JPH1: variants seen among roughly 807,000 people sequenced by gnomAD.
JPH1 encodes the protein junctophilin-1.
JPH1 carries 12 observed loss-of-function variants against 53.6 expected under a neutral mutation model. That is an observed-to-expected ratio of 0.22 (90% CI 0.14 to 0.36). The LOEUF is 0.36. JPH1 is among the 10% of genes least tolerant of loss of function. JPH1 has a pLI of 1.00. For synonymous variants in JPH1, 375 were observed against 363.8 expected (o/e 1.03, Z -0.35); for missense variants, 808 against 905.5 (o/e 0.89, Z 1.38).
At chr8:74,309,066 C>T (rs1255318878) in intron 2 of JPH1, among the ~76,000 whole-genome samples, 1 of 152,184 alleles carries the variant, frequency 6.6e-6, no homozygotes, top group African/African-American at 2.4e-5. Flanking sequence ...GCAGAAGAGA[C>T]TCCCTCCTAA....
intron 4 of JPH1, among the ~76,000 whole-genome samples, chr8:74,240,560 T>C (rs1409094787): frequency 6.6e-6 from 1 of 152,198 alleles, no homozygotes; most frequent in African/African-American, 2.4e-5. Flanking sequence ...TGACCAGATG[T>C]TGGAGCATTC....
intron 2 of JPH1, among the ~76,000 whole-genome samples, chr8:74,291,685 T>G (rs146982918): frequency 9.2e-5 from 14 of 152,356 alleles, no homozygotes; most frequent in Non-Finnish European, 1.9e-4. Flanking sequence ...CAAGTATGTT[T>G]ACTGTGGTAC....
intron 3 of JPH1, 34 bp downstream of exon 3, chr8:74,259,351 T>C (rs780548463): frequency 5.3e-6 from 8 of 1,502,684 alleles, no homozygotes; most frequent in South Asian, 3.4e-5. Context: ...AAGCCAGTGC[T>C]CCTGCCTCAC....
intron 2 of JPH1, among the ~76,000 whole-genome samples, chr8:74,269,920 A>G (rs1806648621): frequency 6.6e-6 from 1 of 152,096 alleles, no homozygotes; most frequent in Non-Finnish European, 1.5e-5. Flanking sequence ...CTAGCTATAC[A>G]TTTTTCTTTC....
At position 74,291,783 on chromosome 8, in the gene JPH1, C is replaced by T. The variant is rs1807333727; in HGVS notation, c.1139+23078G>A. ...AAAGACTTGGAACCAACCCAAATGT[C>T]CATCAATGATAGACTGGATTAAGAA... On this transcript the variant is annotated intron_variant, in intron 2 of 5. Coordinates refer to ENST00000342232, the MANE Select transcript of JPH1 (RefSeq NM_020647.4). 2.0e-5 allele frequency among the ~76,000 whole-genome samples: 3 copies of T among 152,156 alleles called. No homozygotes were observed. The South Asian group carries it at 6.2e-4, about 32-fold the overall frequency.
chr8:74,318,042 T>C (rs890513858), intron 1 of JPH1, among the ~76,000 whole-genome samples: 2 of 152,152 alleles, frequency 1.3e-5, no homozygotes, highest in Admixed American at 1.3e-4. Flanking sequence ...TAGAAACCAA[T>C]TTGCAGTCAA....
intron 3 of JPH1, among the ~76,000 whole-genome samples, chr8:74,246,011 G>C (rs1805851940): frequency 6.6e-6 from 1 of 152,006 alleles, no homozygotes; most frequent in Non-Finnish European, 1.5e-5. Flanking sequence ...TCCAGGCCCT[G>C]GGAACTCGAG....
At position 74,315,219 on chromosome 8, in the gene JPH1, C is replaced by A; in HGVS notation, c.781G>T (p.Asp261Tyr). Residue 261 changes from aspartate to tyrosine, a missense_variant, in exon 2 of 6, where the codon GAT becomes TAT. Physicochemically the swap from Asp to Tyr is radical, Grantham distance 160. Coordinates refer to ENST00000342232, the MANE Select transcript of JPH1 (RefSeq NM_020647.4). This position sits in a 1 kb window ranked among gnomAD's most constrained non-coding sequence, Gnocchi z 6.3. ...SDANSTISFG[D>Y]VDCDFCPVED... ...ACCGGGCAAAAATCACAATCTACAT[C>A]GCCAAAGCTGATCGTGGAGTTGGCA... 6.2e-7 allele frequency: 1 copy of A among 1,614,192 alleles called. No individual in the cohort carries two copies. Among genetic ancestry groups the A allele is most frequent in the Non-Finnish European group, 8.5e-7 (1 of 1,180,044 alleles).
At chr8:74,280,193 A>T (rs1030111366) in intron 2 of JPH1, among the ~76,000 whole-genome samples, 22 of 152,344 alleles carry the variant, frequency 1.4e-4, no homozygotes, top group African/African-American at 4.6e-4. Flanking sequence ...ATAGATGTTT[A>T]TGTATATTAA....
chr8:74,315,648 G>C lies in JPH1; in HGVS notation c.380-28C>G. On this transcript the variant is annotated intron_variant, in intron 1 of 5. Transcript: ENST00000342232. The surrounding 1 kb of genome is among the most constrained non-coding windows in gnomAD (Gnocchi z 6.3). ...TGGAGAGACCGCAAGAAAGCACCGT[G>C]AGTCGGGGGCAGAGCTGCACCGTCA... 3 of 1,567,350 alleles carry C rather than the reference G, an allele frequency of 1.9e-6. No homozygotes were observed. The highest frequency in any genetic ancestry group is 1.7e-6 in the Non-Finnish European group (2 of 1,162,060).
chr8:74,285,932 G>A (rs921999279), intron 2 of JPH1, among the ~76,000 whole-genome samples: 1 of 152,184 alleles, frequency 6.6e-6, no homozygotes, highest in African/African-American at 2.4e-5. Context: ...GAGTGAGGAG[G>A]AGATTTATCA....
chr8:74,299,042 C>T (rs1453476507), intron 2 of JPH1, among the ~76,000 whole-genome samples: 1 of 152,172 alleles, frequency 6.6e-6, no homozygotes, highest in Non-Finnish European at 1.5e-5. Flanking sequence ...CACTGGTGAC[C>T]TTTACTGCCT....
At chr8:74,309,988 A>G (rs1459561776) in intron 2 of JPH1, among the ~76,000 whole-genome samples, 1 of 152,182 alleles carries the variant, frequency 6.6e-6, no homozygotes, top group African/African-American at 2.4e-5. Context: ...GGCTCTAGTT[A>G]TAGTTTAGGG....
chr8:74,280,922 T>G (rs768971829), intron 2 of JPH1, among the ~76,000 whole-genome samples: 12 of 152,208 alleles, frequency 7.9e-5, no homozygotes, highest in Non-Finnish European at 1.5e-4. Context: ...TTATTCGCTC[T>G]AATTTATGTA....
intron 3 of JPH1, among the ~76,000 whole-genome samples, chr8:74,248,832 A>G (rs762084129): frequency 6.6e-6 from 1 of 152,216 alleles, no homozygotes; most frequent in Non-Finnish European, 1.5e-5. Context: ...CCAGCAACAT[A>G]AAGTTGATGA....
chr8:74,277,471 T>C, intron 2 of JPH1, among the ~76,000 whole-genome samples: 1 of 152,224 alleles, frequency 6.6e-6, no homozygotes, highest in South Asian at 2.1e-4. Flanking sequence ...ACTTCAGAAG[T>C]GGCAAACTCA....
intron 2 of JPH1, among the ~76,000 whole-genome samples, chr8:74,283,167 G>C (rs1474993079): frequency 1.3e-5 from 2 of 151,842 alleles, no homozygotes; most frequent in Admixed American, 6.6e-5. Context: ...ATGGCTGCAT[G>C]GATAAATCTT....
At chr8:74,279,561 A>G (rs1039001062) in intron 2 of JPH1, among the ~76,000 whole-genome samples, 4 of 152,198 alleles carry the variant, frequency 2.6e-5, no homozygotes, top group Non-Finnish European at 2.9e-5. Context: ...GATTCCTTCT[A>G]CTGCAGACTC....
chr8:74,260,028 G>A (rs946941891), intron 2 of JPH1, among the ~76,000 whole-genome samples: 3 of 152,164 alleles, frequency 2.0e-5, no homozygotes, highest in Admixed American at 1.3e-4. Context: ...TGTTCTCACC[G>A]TGGCCAATTT....
Sources: gnomAD v4.1 joint callset for allele counts (sites outside exome capture counted in the v4.1 genomes callset) on GRCh38, gnomAD v4.1.1 for gene constraint, Gnocchi (gnomAD v3.1) non-coding constraint, MANE v1.5 for transcripts, NCBI Gene and HGNC (gene_info 2026-07-23, HGNC 2026-07-21) for gene names.